TRAF3IP2: variants seen among roughly 807,000 people sequenced by gnomAD.
TRAF3IP2 encodes TRAF3 interacting protein 2, also known as E3 ubiquitin ligase TRAF3IP2.
In TRAF3IP2, 35 loss-of-function variants were observed where a neutral mutation model predicts 57.9. That is an observed-to-expected ratio of 0.60 (90% CI 0.46 to 0.80). TRAF3IP2 has a LOEUF of 0.80. Among genes scored for constraint, TRAF3IP2 ranks in the 30% least tolerant of loss-of-function variants. The pLI, the probability that TRAF3IP2 is intolerant of heterozygous loss-of-function variation, is 0.00. For missense variants in TRAF3IP2, 556 were observed against 706.4 expected, an observed-to-expected ratio of 0.79 and a Z score of 2.41; for synonymous variants, 251 against 268.9, an observed-to-expected ratio of 0.93 and a Z score of 0.65.
At chr6:111,566,774 C>T (rs1342662183) in intron 6 of TRAF3IP2, among the ~76,000 whole-genome samples, 1 of 152,178 alleles carries the variant, frequency 6.6e-6, no homozygotes, top group Non-Finnish European at 1.5e-5. Context: ...GAGGGGCTCT[C>T]TCAAATAGAT....
Position 111,559,244 on chromosome 6 carries a change from G to T in TRAF3IP2, c.*161C>A. 1.1e-6 allele frequency: 1 copy of T among 932,662 alleles called. No homozygotes were observed. The highest frequency in any genetic ancestry group is 2.5e-5 in the East Asian group (1 of 39,864). 57.8% of individuals were successfully genotyped at this position (932,662 alleles called of 1,614,324 possible). ...AAGCCAGGGTGTGTGGAGGTCTCCGGGGAAGAGCTCTGCACAACAGGTTTC... is the reference window on the plus strand; with the variant it reads ...AAGCCAGGGTGTGTGGAGGTCTCCGTGGAAGAGCTCTGCACAACAGGTTTC... On this transcript the variant is annotated 3_prime_UTR_variant, in exon 9 of 9. Coordinates refer to ENST00000368761, the MANE Select transcript of TRAF3IP2 (RefSeq NM_147686.4).
rs1305362723 is a variant in TRAF3IP2, at chr6:111,556,730, A to G, written c.*2675T>C. The G allele has an allele frequency of 6.6e-6, 1 of 151,464 alleles. No homozygotes were observed. The highest frequency in any genetic ancestry group is 1.5e-5 in the Non-Finnish European group (1 of 67,746). The allele number at this position is 151,464 out of a possible 1,614,324, so 9.4% of individuals were successfully genotyped here. On this transcript the variant is annotated 3_prime_UTR_variant, in exon 9 of 9. Coordinates refer to ENST00000368761, the MANE Select transcript of TRAF3IP2 (RefSeq NM_147686.4). ...AAGACATTCGTCTCACCCAGTAGACATCTAAGTTATAAAGTAAATGAAACT... is the reference window on the plus strand; with the variant it reads ...AAGACATTCGTCTCACCCAGTAGACGTCTAAGTTATAAAGTAAATGAAACT...
intron 2 of TRAF3IP2, among the ~76,000 whole-genome samples, chr6:111,582,832 C>T (rs1008159102): frequency 6.6e-6 from 1 of 152,156 alleles, no homozygotes; most frequent in African/African-American, 2.4e-5. Context: ...CCACTACACT[C>T]TCACTGGCCC....
chr6:111,568,414 C>T (rs992971830), intron 5 of TRAF3IP2, among the ~76,000 whole-genome samples: 1 of 135,912 alleles, frequency 7.4e-6, no homozygotes, highest in Admixed American at 7.4e-5. Context: ...CCTTCTTGGG[C>T]TCAGGCTTAT....
At chr6:111,578,697 G>A (rs1361832516) in intron 3 of TRAF3IP2, among the ~76,000 whole-genome samples, 1 of 152,110 alleles carries the variant, frequency 6.6e-6, no homozygotes, top group Non-Finnish European at 1.5e-5. Flanking sequence ...GAGGGTTTGT[G>A]GGCTTCTGAG....
chr6:111,558,111 C>T lies in TRAF3IP2; in HGVS notation c.*1294G>A, dbSNP rs1795307589. 6.6e-6 allele frequency: 1 copy of T among 152,148 alleles called. No individual in the cohort carries two copies. Among genetic ancestry groups the T allele is most frequent in the Non-Finnish European group, 1.5e-5 (1 of 68,022 alleles). The allele number at this position is 152,148 out of a possible 1,614,324, so 9.4% of individuals were successfully genotyped here. A position where few individuals can be genotyped will look rare whatever the true frequency, so the allele number is the denominator to read the frequency against. On this transcript the variant is annotated 3_prime_UTR_variant, in exon 9 of 9. Transcript: ENST00000368761. ...AATTATGAAAATGAAAACTCAGTCA[C>T]TCCTCAAAAGAGTATTTAGAATTTA...
Position 111,556,305 on chromosome 6 carries a change from A to G in TRAF3IP2, c.*3100T>C. On this transcript the variant is annotated 3_prime_UTR_variant, in exon 9 of 9. Coordinates refer to ENST00000368761, the MANE Select transcript of TRAF3IP2 (RefSeq NM_147686.4). ...ACACTTTAATGACTCTTTGTGGAAC[A>G]CCAGGGACCACTGCTCATCAACCAC... 6.6e-6 allele frequency: 1 copy of G among 152,148 alleles called. No individual in the cohort carries two copies. The highest frequency in any genetic ancestry group is 1.9e-4 in the East Asian group (1 of 5,192). 9.4% of individuals were successfully genotyped at this position (152,148 alleles called of 1,614,324 possible).
At chr6:111,598,954 G>C (rs1055363721) in intron 1 of TRAF3IP2, among the ~76,000 whole-genome samples, 5 of 152,088 alleles carry the variant, frequency 3.3e-5, no homozygotes, top group African/African-American at 1.2e-4. Flanking sequence ...GCTGGGTACA[G>C]AGGTGATTCC....
intron 5 of TRAF3IP2, among the ~76,000 whole-genome samples, chr6:111,569,524 G>A (rs931828708): frequency 1.3e-5 from 2 of 152,052 alleles, no homozygotes; most frequent in African/African-American, 2.4e-5. Context: ...GGCTGAGGGG[G>A]GCAGATCACT....
Position 111,585,897 on chromosome 6 carries a change from G to A in TRAF3IP2, c.829+5361C>T, listed in dbSNP as rs374960008. Among the ~76,000 whole-genome samples, 24 of 152,272 alleles carry A rather than the reference G, an allele frequency of 1.6e-4. 1 individual carries two copies. The highest frequency in any genetic ancestry group is 9.2e-4 in the Admixed American group (14 of 15,296). Reference sequence around the variant, plus strand: ...TGATCTTCTTGGCCTGAGTACACACGATCTTCATGTTACTGAGCTTTTACC... The same window carrying A: ...TGATCTTCTTGGCCTGAGTACACACAATCTTCATGTTACTGAGCTTTTACC... On this transcript the variant is annotated intron_variant, in intron 2 of 8. Transcript: ENST00000368761.
rs139356510 is a variant in TRAF3IP2 at position 111,575,936 on chromosome 6, C to G, written c.1023-115G>C. 6 of 972,490 alleles carry G rather than the reference C, an allele frequency of 6.2e-6. No individual in the cohort carries two copies. The East Asian group carries it at 1.4e-4, about 23-fold the overall frequency. The allele number at this position is 972,490 out of a possible 1,614,324, so 60.2% of individuals were successfully genotyped here. On this transcript the variant is annotated intron_variant, in intron 3 of 8. Transcript: ENST00000368761. Reference sequence around the variant, plus strand: ...CCAGTGGGCTCTCTCTCCTCTGCCTCTATTTCTTAACTGAGACAGAAGGAA... The same window carrying G: ...CCAGTGGGCTCTCTCTCCTCTGCCTGTATTTCTTAACTGAGACAGAAGGAA...
In TRAF3IP2 at chr6:111,558,204, C is replaced by G. The variant is rs1274175850; in HGVS notation, c.*1201G>C. ...TGTCCATGTCATTTTATAAATGAGT[C>G]CCTGGAATCTAAGAAAAGTTAAAGG... On this transcript the variant is annotated 3_prime_UTR_variant, in exon 9 of 9. Transcript: ENST00000368761. 2 of 151,994 alleles carry G rather than the reference C, an allele frequency of 1.3e-5. No individual in the cohort carries two copies. The highest frequency in any genetic ancestry group is 2.9e-5 in the Non-Finnish European group (2 of 68,000). The allele number at this position is 151,994 out of a possible 1,614,324, so 9.4% of individuals were successfully genotyped here. A position where few individuals can be genotyped will look rare whatever the true frequency, so the allele number is the denominator to read the frequency against.
intron 7 of TRAF3IP2, among the ~76,000 whole-genome samples, chr6:111,563,932 T>TA (rs1195643453): frequency 6.6e-6 from 1 of 152,192 alleles, no homozygotes; most frequent in African/African-American, 2.4e-5. Flanking sequence ...GGAGGGGAGT[T>TA]AGAGTCTTCC....
chr6:111,597,050 A>G (rs1412478289), intron 1 of TRAF3IP2, among the ~76,000 whole-genome samples: 1 of 152,258 alleles, frequency 6.6e-6, no homozygotes, highest in Non-Finnish European at 1.5e-5. Flanking sequence ...ATGTAGCCGG[A>G]TCAGTGACAA....
chr6:111,605,543 C>T (rs1796993228), intron 1 of TRAF3IP2, among the ~76,000 whole-genome samples: 1 of 152,244 alleles, frequency 6.6e-6, no homozygotes, highest in African/African-American at 2.4e-5. Context: ...AGGGTTAACC[C>T]GGCGGGGCTC....
intron 8 of TRAF3IP2, 75 bp from the exon 9 acceptor site, chr6:111,559,626 A>C: frequency 6.5e-7 from 1 of 1,544,098 alleles, no homozygotes; most frequent in Admixed American, 1.8e-5. Flanking sequence ...CTCAGTTCCC[A>C]AACATTTCTG....
rs1562413032 is a variant in TRAF3IP2 at position 111,556,250 on chromosome 6, G to GT, written c.*3154dup. ...TGTGTCTGTGTGTACTTTTTGGTTTGTTTTTTTGCTACCAGTGCTACCAGC... is the reference window on the plus strand; with the variant it reads ...TGTGTCTGTGTGTACTTTTTGGTTTGTTTTTTTTGCTACCAGTGCTACCAGC... On this transcript the variant is annotated 3_prime_UTR_variant, in exon 9 of 9. Transcript: ENST00000368761. 1.3e-5 allele frequency among the ~76,000 whole-genome samples: 2 copies of GT among 151,836 alleles called. No homozygotes were observed. The highest frequency in any genetic ancestry group is 2.9e-5 in the Non-Finnish European group (2 of 67,978).
At position 111,580,313 on chromosome 6, in the gene TRAF3IP2, G is replaced by C; in HGVS notation, c.906C>G (p.Ala302=). The C allele has an allele frequency of 6.2e-7, 1 of 1,608,992 alleles. No homozygotes were observed. Among genetic ancestry groups the C allele is most frequent in the Non-Finnish European group, 8.5e-7 (1 of 1,178,598 alleles). The change falls in exon 3 of 9, where the codon GCC becomes GCG. Residue 302 remains alanine (A), a synonymous_variant. Coordinates refer to ENST00000368761, the MANE Select transcript of TRAF3IP2 (RefSeq NM_147686.4). ...PALPGQPLPG[A]SVRGLHPVQK... Reference sequence around the variant, plus strand: ...GCACAGGGTGCAGGCCTCTCACACTGGCTCCAGGCAGGGGCTGCCCAGGCA... The same window carrying C: ...GCACAGGGTGCAGGCCTCTCACACTCGCTCCAGGCAGGGGCTGCCCAGGCA...
chr6:111,567,639 C>T lies in TRAF3IP2; in HGVS notation c.1344G>A (p.Glu448=), dbSNP rs200991285. 42 of 1,610,348 alleles carry T rather than the reference C, an allele frequency of 2.6e-5. No homozygotes were observed. The highest frequency in any genetic ancestry group is 3.6e-5 in the Non-Finnish European group (42 of 1,178,670). The change falls in exon 6 of 9, where the codon GAG becomes GAA. Residue 448 remains glutamate, a synonymous_variant. Transcript: ENST00000368761. ...IRGIDIIKWM[E]RYLRDKTVMI... The stretch of plus-strand genomic sequence containing the variant: ...ATGTACTTACATCCCTAAGGTAGCG[C>T]TCCATCCATTTAATGATATCAATGC...
Sources: allele counts gnomAD v4.1 joint callset (sites outside exome capture counted in the v4.1 genomes callset), GRCh38; gene constraint gnomAD v4.1.1; transcripts MANE v1.5; gene names NCBI Gene and HGNC (gene_info 2026-07-23, HGNC 2026-07-21).